The following TMEM178B variants were observed in gnomAD, a reference collection of about 807,000 sequenced individuals.
TMEM178B encodes transmembrane protein 178B.
A neutral mutation model predicts 31.0 loss-of-function variants in TMEM178B; 5 were observed. The ratio of observed to expected loss-of-function variants is 0.16; its 90% CI spans 0.08 to 0.34. TMEM178B has a LOEUF of 0.34. Ranked by LOEUF, TMEM178B falls within the 10% of genes least tolerant of loss-of-function variation. TMEM178B has a pLI of 1.00. For missense variants in TMEM178B, 275 were observed against 400.3 expected (o/e 0.69, Z 2.67); for synonymous variants, 164 against 164.0 (o/e 1.00, Z 0.00).
At chr7:141,143,185 A>T (rs1014126333) in intron 1 of TMEM178B, among the ~76,000 whole-genome samples, 6 of 152,138 alleles carry the variant, frequency 3.9e-5, no homozygotes, top group Non-Finnish European at 7.4e-5. Flanking sequence ...CACCGTTGAT[A>T]GTTTATTTTG....
chr7:141,247,831 A>G (rs888060170), intron 2 of TMEM178B, among the ~76,000 whole-genome samples: 1 of 152,178 alleles, frequency 6.6e-6, no homozygotes, highest in African/African-American at 2.4e-5. Flanking sequence ...ATATACTAAA[A>G]ATTATTTGTT....
At chr7:141,376,276 T>C (rs758873806) in intron 2 of TMEM178B, among the ~76,000 whole-genome samples, 4 of 152,350 alleles carry the variant, frequency 2.6e-5, no homozygotes, top group Middle Eastern at 3.4e-3. Context: ...AACGGAATTA[T>C]TGGTTTAGGC....
chr7:141,311,392 G>C (rs1798907833), intron 2 of TMEM178B, among the ~76,000 whole-genome samples: 1 of 152,038 alleles, frequency 6.6e-6, no homozygotes. Context: ...TTTCATATTT[G>C]ATCATCTATT....
intron 2 of TMEM178B, among the ~76,000 whole-genome samples, chr7:141,418,566 G>T (rs956707862): frequency 6.6e-6 from 1 of 152,062 alleles, no homozygotes; most frequent in African/African-American, 2.4e-5. Flanking sequence ...CACTTCCATG[G>T]TGACCCTTAT....
At chr7:141,443,636 A>G (rs1002843483) in intron 3 of TMEM178B, among the ~76,000 whole-genome samples, 4 of 152,166 alleles carry the variant, frequency 2.6e-5, no homozygotes, top group Non-Finnish European at 5.9e-5. Flanking sequence ...GTGTTTCTCA[A>G]GTTTCCACAC....
intron 2 of TMEM178B, among the ~76,000 whole-genome samples, chr7:141,373,377 C>T (rs190405249): frequency 6.6e-6 from 1 of 152,166 alleles, no homozygotes; most frequent in Non-Finnish European, 1.5e-5. Context: ...CAGTATGGAG[C>T]CACAGTTGGA....
chr7:141,399,539 A>G lies in TMEM178B; in HGVS notation c.497-38069A>G, dbSNP rs148174405. On this transcript the variant is annotated intron_variant, in intron 2 of 3. Coordinates refer to ENST00000565468, the MANE Select transcript of TMEM178B (RefSeq NM_001195278.2). ...CATTCTTTGGAGTCTATGGTAATGA[A>G]ATGTTCTCAATAATCACAAATGTCC... Among the ~76,000 whole-genome samples, 13 of 152,304 alleles carry G rather than the reference A, an allele frequency of 8.5e-5. No individual in the cohort carries two copies. The East Asian group carries it at 2.3e-3, about 27-fold the overall frequency.
intron 2 of TMEM178B, among the ~76,000 whole-genome samples, chr7:141,411,821 G>A (rs1800995439): frequency 6.6e-6 from 1 of 152,220 alleles, no homozygotes; most frequent in African/African-American, 2.4e-5. Flanking sequence ...TGAACCTAAG[G>A]AATCCAGCAT....
chr7:141,286,519 G>A (rs217011), intron 2 of TMEM178B, among the ~76,000 whole-genome samples: 17,566 of 152,160 alleles, frequency 0.12, 1,632 homozygotes, highest in African/African-American at 0.25. Flanking sequence ...GGTAGACATG[G>A]CCTGGCTATC....
chr7:141,416,053 A>G (rs1440819449), intron 2 of TMEM178B: 1 of 152,722 alleles, frequency 6.5e-6, no homozygotes, highest in Non-Finnish European at 1.5e-5. Flanking sequence ...GAGTCATAAG[A>G]TCTGAGAGCC....
chr7:141,179,942 TCTCAGGCC>T (rs1166607444), intron 1 of TMEM178B, among the ~76,000 whole-genome samples: 1 of 152,210 alleles, frequency 6.6e-6, no homozygotes, highest in Non-Finnish European at 1.5e-5. Flanking sequence ...TGTCTACTCT[TCTCAGGCC>T]CTCACACTTT....
At chr7:141,154,731 CT>C (rs377268150) in intron 1 of TMEM178B, among the ~76,000 whole-genome samples, 1,685 of 141,074 alleles carry the variant, frequency 0.012, 16 homozygotes, top group African/African-American at 0.034. Context: ...AACTTGTTAA[CT>C]TTTTTTTTTT....
intron 2 of TMEM178B, among the ~76,000 whole-genome samples, chr7:141,329,093 G>T (rs1206473346): frequency 2.6e-5 from 4 of 152,110 alleles, no homozygotes; most frequent in Non-Finnish European, 4.4e-5. Context: ...GGAATGGGAG[G>T]CAGGGTACTT....
At chr7:141,140,127 A>AC (rs1262789797) in intron 1 of TMEM178B, among the ~76,000 whole-genome samples, 1 of 151,758 alleles carries the variant, frequency 6.6e-6, no homozygotes, top group Non-Finnish European at 1.5e-5. Flanking sequence ...GCGCTTGCAT[A>AC]CCCCCTCAGC....
intron 2 of TMEM178B, among the ~76,000 whole-genome samples, chr7:141,278,942 C>T (rs534309896): frequency 8.8e-4 from 134 of 152,262 alleles, no homozygotes; most frequent in Middle Eastern, 6.8e-3. Flanking sequence ...CACCATTAGA[C>T]CAGGGTGAGC....
At chr7:141,423,194 ATTTTTG>A (rs2116655502) in intron 2 of TMEM178B, among the ~76,000 whole-genome samples, 1 of 152,058 alleles carries the variant, frequency 6.6e-6, no homozygotes, top group African/African-American at 2.4e-5. Context: ...TACCTGGCTA[ATTTTTG>A]TATTTTTAGT....
At chr7:141,363,813 C>A (rs1799957422) in intron 2 of TMEM178B, among the ~76,000 whole-genome samples, 1 of 151,902 alleles carries the variant, frequency 6.6e-6, no homozygotes, top group Non-Finnish European at 1.5e-5. Context: ...CCCTTTCAGC[C>A]CAGGAGGTTG....
chr7:141,389,651 C>G (rs1800498689), intron 2 of TMEM178B, among the ~76,000 whole-genome samples: 1 of 152,214 alleles, frequency 6.6e-6, no homozygotes, highest in African/African-American at 2.4e-5. Context: ...CTGTCAAAGT[C>G]ATCAATAGAA....
chr7:141,129,266 T>A (rs1795556162), intron 1 of TMEM178B, among the ~76,000 whole-genome samples: 1 of 152,224 alleles, frequency 6.6e-6, no homozygotes, highest in Non-Finnish European at 1.5e-5. Context: ...GCATTCTCAT[T>A]TACTGCAGCC....
Sources: allele counts gnomAD v4.1 joint callset (sites outside exome capture counted in the v4.1 genomes callset), GRCh38; gene constraint gnomAD v4.1.1; transcripts MANE v1.5; gene names NCBI Gene and HGNC (gene_info 2026-07-23, HGNC 2026-07-21).